The following RNFT2 variants were observed in gnomAD, a reference collection of about 807,000 sequenced individuals.
RNFT2 encodes the protein E3 ubiquitin-protein ligase RNFT2.
RNFT2 carries 36 observed loss-of-function variants against 53.0 expected under a neutral mutation model. That is an observed-to-expected ratio of 0.68 (90% confidence interval 0.52 to 0.90). RNFT2 has a LOEUF of 0.90. RNFT2 is among the 40% of genes least tolerant of loss of function. The probability of loss-of-function intolerance (pLI) is 0.00; values close to 1 mark genes in which losing one functional copy is unlikely to be tolerated. For missense variants in RNFT2, 514 were observed against 585.6 expected (o/e 0.88, Z 1.26); for synonymous variants, 260 against 253.2 (o/e 1.03, Z -0.26).
At chr12:116,821,625 C>T (rs1241119439) in intron 7 of RNFT2, among the ~76,000 whole-genome samples, 1 of 152,154 alleles carries the variant, frequency 6.6e-6, no homozygotes, top group Non-Finnish European at 1.5e-5. Context: ...GAAAAGCAAG[C>T]AAGGAAAAGT....
At chr12:116,781,793 T>C (rs1873712193) in intron 7 of RNFT2, among the ~76,000 whole-genome samples, 2 of 152,006 alleles carry the variant, frequency 1.3e-5, no homozygotes, top group Non-Finnish European at 2.9e-5. Flanking sequence ...GGTGTGGACA[T>C]CGGCTGGGCA....
intron 7 of RNFT2, among the ~76,000 whole-genome samples, chr12:116,816,375 CTT>C (rs1168130226): frequency 6.6e-6 from 1 of 152,314 alleles, no homozygotes; most frequent in African/African-American, 2.4e-5. Context: ...CCCAGCAACT[CTT>C]TTGGGGCCTC....
rs35911608 is a variant in RNFT2 at position 116,771,460 on chromosome 12, TAAAA to T, written c.728+4578_728+4581del. On this transcript the variant is annotated intron_variant, in intron 6 of 10. Coordinates refer to ENST00000257575, the MANE Select transcript of RNFT2 (RefSeq NM_001382266.1). ...GGGTGACAAAATGAGATCCTATCGT[TAAAA>T]AAAAAAAAAAAAAAAAAAAAAAAAA... is the stretch of plus-strand genomic sequence containing the variant. Among the ~76,000 whole-genome samples the T allele has an allele frequency of 2.3e-3, 146 of 64,102 alleles. 2 individuals carry two copies. The highest frequency in any genetic ancestry group is 8.1e-3 in the African/African-American group (135 of 16,622). The allele number at this position is 64,102 out of a possible 152,430, so 42.1% of individuals were successfully genotyped here.
intron 7 of RNFT2, among the ~76,000 whole-genome samples, chr12:116,805,567 C>T (rs1038922035): frequency 7.9e-5 from 12 of 152,146 alleles, no homozygotes; most frequent in East Asian, 5.8e-4. Context: ...CTTCGCCTCC[C>T]GGGTTCCAGC....
chr12:116,781,980 G>A (rs956380515), intron 7 of RNFT2: 1 of 150,294 alleles, frequency 6.7e-6, no homozygotes, highest in South Asian at 2.1e-4. Context: ...TCGGGAGGCT[G>A]ACGCAGGAGA....
chr12:116,764,762 G>A lies in RNFT2; in HGVS notation c.628-2052G>A, dbSNP rs568436479. Among the ~76,000 whole-genome samples the A allele has an allele frequency of 1.1e-3, 162 of 152,176 alleles. 1 individual carries two copies. The highest frequency in any genetic ancestry group is 1.7e-3 in the Non-Finnish European group (113 of 67,998). On this transcript the variant is annotated intron_variant, in intron 5 of 10. Coordinates refer to ENST00000257575, the MANE Select transcript of RNFT2 (RefSeq NM_001382266.1). ...CAAAAATTAGCTGGGCATGGTGGTG[G>A]GCGCCTGTAATCCCAGCCACTTGGG...
intron 7 of RNFT2, among the ~76,000 whole-genome samples, chr12:116,808,112 C>T (rs965055766): frequency 3.3e-5 from 5 of 152,076 alleles, no homozygotes; most frequent in African/African-American, 1.2e-4. Context: ...TACAGGCGCC[C>T]GCCACCATGC....
intron 7 of RNFT2, among the ~76,000 whole-genome samples, chr12:116,779,789 T>C (rs1873607083): frequency 6.6e-6 from 1 of 152,202 alleles, no homozygotes; most frequent in Admixed American, 6.6e-5. Context: ...TGATTAGTGA[T>C]GTCTGCCACA....
chr12:116,748,298 C>A (rs1360505084), intron 3 of RNFT2, among the ~76,000 whole-genome samples: 2 of 152,176 alleles, frequency 1.3e-5, no homozygotes, highest in Non-Finnish European at 2.9e-5. Flanking sequence ...TCCATTCCTG[C>A]AGGCCTAACT....
intron 5 of RNFT2, among the ~76,000 whole-genome samples, chr12:116,765,376 A>C (rs140591014): frequency 6.6e-6 from 1 of 152,176 alleles, no homozygotes; most frequent in Non-Finnish European, 1.5e-5. Flanking sequence ...ATGGAGATGC[A>C]TTTGTTTCGT....
chr12:116,833,789 C>T lies in RNFT2; in HGVS notation c.883-3C>T. 6.2e-7 allele frequency: 1 copy of T among 1,613,000 alleles called. No individual in the cohort carries two copies. On this transcript the variant is annotated splice_region_variant and splice_polypyrimidine_tract_variant and intron_variant, in intron 7 of 10. Coordinates refer to ENST00000257575, the MANE Select transcript of RNFT2 (RefSeq NM_001382266.1). ...ATAATTGATGTTCTCTGTGTGGTTG[C>T]AGGGAAAGTTCTATCTGGTCATCGA...
At chr12:116,755,383 T>A (rs1411239962) in intron 5 of RNFT2, 11 of 811,246 alleles carry the variant, frequency 1.4e-5, no homozygotes, top group African/African-American at 3.5e-5. Context: ...TTTTTTTTTT[T>A]AACACCTATT....
intron 7 of RNFT2, among the ~76,000 whole-genome samples, chr12:116,827,175 A>G (rs1876380965): frequency 6.7e-6 from 1 of 150,286 alleles, no homozygotes; most frequent in Non-Finnish European, 1.5e-5. Context: ...AGCCGAGATC[A>G]TGCCACTGCA....
intron 8 of RNFT2, among the ~76,000 whole-genome samples, chr12:116,834,849 CCTTT>C (rs1371074546): frequency 6.8e-6 from 1 of 147,208 alleles, no homozygotes; most frequent in East Asian, 2.0e-4. Flanking sequence ...TATTATTACT[CCTTT>C]TTTTTTTTTT....
chr12:116,828,268 C>G (rs1876449599), intron 7 of RNFT2, among the ~76,000 whole-genome samples: 1 of 152,176 alleles, frequency 6.6e-6, no homozygotes, highest in Non-Finnish European at 1.5e-5. Context: ...CTCGGGTCAC[C>G]TGGGGACCTT....
At chr12:116,781,001 A>C (rs1338288898) in intron 7 of RNFT2, among the ~76,000 whole-genome samples, 3 of 152,088 alleles carry the variant, frequency 2.0e-5, no homozygotes, top group Non-Finnish European at 4.4e-5. Context: ...CCTTCCTCCA[A>C]AGTACTCACT....
chr12:116,841,882 AATATATATAAAAAT>A (rs1565876168), intron 10 of RNFT2, among the ~76,000 whole-genome samples: 18 of 23,474 alleles, frequency 7.7e-4, no homozygotes, highest in African/African-American at 2.1e-3. Flanking sequence ...TATATATATA[AATATATATAAAAAT>A]ATATATATAT....
intron 10 of RNFT2, among the ~76,000 whole-genome samples, chr12:116,846,846 T>C (rs974041644): frequency 6.6e-6 from 1 of 151,434 alleles, no homozygotes; most frequent in Non-Finnish European, 1.5e-5. Flanking sequence ...AGTGTGCATC[T>C]CCCAGGAACA....
Position 116,794,523 on chromosome 12 carries a change from G to A in RNFT2, c.882+15175G>A, listed in dbSNP as rs371158023. ...TGAGGTGGGAGGATTGCTTGAACCC[G>A]GGAGGGGGAGGCTGCAGTGAGCCGA... On this transcript the variant is annotated intron_variant, in intron 7 of 10. Coordinates refer to ENST00000257575, the MANE Select transcript of RNFT2 (RefSeq NM_001382266.1). Among the ~76,000 whole-genome samples the A allele has an allele frequency of 4.4e-4, 67 of 151,332 alleles. 1 individual carries two copies. The South Asian group carries it at 0.012, about 28-fold the overall frequency.
Sources: gnomAD v4.1 joint callset for allele counts (sites outside exome capture counted in the v4.1 genomes callset) on GRCh38, gnomAD v4.1.1 for gene constraint, MANE v1.5 for transcripts, NCBI Gene and HGNC (gene_info 2026-07-23, HGNC 2026-07-21) for gene names.